Variants in C8A observed in about 807,000 individuals in gnomAD.
C8A encodes complement component C8 alpha chain.
In C8A, 67 loss-of-function variants were observed where a neutral mutation model predicts 65.3. The observed-to-expected ratio is 1.03, with a 90% confidence interval of 0.84 to 1.26. C8A has a LOEUF of 1.26. Ranked by LOEUF, C8A falls within the 50% of genes most tolerant of loss-of-function variation. The pLI is 0.00. For missense variants in C8A, 781 were observed against 723.9 expected (o/e 1.08, Z -0.90); for synonymous variants, 290 against 259.4 (o/e 1.12, Z -1.13).
At chr1:56,859,346 A>T (rs1411769409) in intron 1 of C8A, among the ~76,000 whole-genome samples, 1 of 152,254 alleles carries the variant, frequency 6.6e-6, no homozygotes, top group Admixed American at 6.5e-5. Context: ...CAATACAGTC[A>T]TAATCTCTGT....
rs921386025 is a variant in C8A at position 56,883,958 on chromosome 1, T to C, written c.855+277T>C. Among the ~76,000 whole-genome samples, 3 of 151,290 alleles carry C rather than the reference T, an allele frequency of 2.0e-5. No individual in the cohort carries two copies. In the South Asian group the frequency reaches 6.3e-4, roughly 32 times the overall value. ...TGGTTACCTGGAGCATATAGGGAAA[T>C]GTGTAGAATGGTAATGTTTTAAGAG... On this transcript the variant is annotated intron_variant, in intron 6 of 10. Transcript: ENST00000361249.
chr1:56,867,631 C>T lies in C8A; in HGVS notation c.100C>T (p.Pro34Ser), dbSNP rs143523574. The T allele has an allele frequency of 4.4e-3, 7,102 of 1,613,714 alleles. 455 individuals are homozygous for T. In the Admixed American group the frequency reaches 0.11, roughly 24 times the overall value. Residue 34 changes from proline to serine, a missense_variant, in exon 2 of 11, where the codon CCC (proline) becomes TCC (serine). Transcript: ENST00000361249. ...VNQRVRRAAT[P>S]AAVTCQLSNW... ...TAGGAGAGTAAGACGGGCAGCTACA[C>T]CCGCAGCAGTTACCTGCCAGCTGAG...
chr1:56,892,012 G>C (rs964317320), intron 7 of C8A, among the ~76,000 whole-genome samples: 12 of 152,028 alleles, frequency 7.9e-5, no homozygotes, highest in African/African-American at 2.7e-4. Context: ...GATGCACCAC[G>C]AATACTCATT....
intron 6 of C8A, among the ~76,000 whole-genome samples, chr1:56,885,424 T>TTATG (rs1329494753): frequency 1.1e-5 from 1 of 90,098 alleles, no homozygotes; most frequent in African/African-American, 9.4e-5. Context: ...AAATATATAT[T>TTATG]TAAATATATA....
chr1:56,875,962 T>G, intron 3 of C8A, 100 bp from the exon 4 acceptor site: 2 of 1,445,212 alleles, frequency 1.4e-6, no homozygotes, highest in Admixed American at 2.0e-5. Flanking sequence ...ATGGGACAGA[T>G]GGGAGGTTTA....
chr1:56,885,542 T>G (rs1644292315), intron 6 of C8A, among the ~76,000 whole-genome samples: 1 of 143,876 alleles, frequency 7.0e-6, no homozygotes, highest in Non-Finnish European at 1.5e-5. Context: ...ACCTTTTGCA[T>G]CCTTTCTTTT....
At chr1:56,915,838 T>C (rs1480919800) in intron 10 of C8A, among the ~76,000 whole-genome samples, 1 of 152,000 alleles carries the variant, frequency 6.6e-6, no homozygotes, top group Non-Finnish European at 1.5e-5. Flanking sequence ...GTGAGGAAAT[T>C]TGGGGAATGA....
intron 9 of C8A, among the ~76,000 whole-genome samples, chr1:56,910,229 A>G (rs1291712880): frequency 6.6e-6 from 1 of 152,154 alleles, no homozygotes. Flanking sequence ...GAGTCCTGCT[A>G]TGTTACGTTT....
chr1:56,876,332 G>A, intron 4 of C8A, 123 bp downstream of exon 4: 1 of 1,133,544 alleles, frequency 8.8e-7, no homozygotes, highest in Non-Finnish European at 1.3e-6. Flanking sequence ...GCTGTGAGCT[G>A]CTCTCATTGT....
At chr1:56,916,212 G>A (rs770972179) in intron 10 of C8A, among the ~76,000 whole-genome samples, 22 of 152,322 alleles carry the variant, frequency 1.4e-4, no homozygotes, top group Non-Finnish European at 2.6e-4. Context: ...TGCTCCCAAG[G>A]TCCCATTCCT....
rs1644129620 is a variant in C8A, at chr1:56,870,135, C to T, written c.171+2433C>T. Among the ~76,000 whole-genome samples, 3 of 152,044 alleles carry T rather than the reference C, an allele frequency of 2.0e-5. 1 individual carries two copies. The South Asian group carries it at 6.2e-4, about 32-fold the overall frequency. On this transcript the variant is annotated intron_variant, in intron 2 of 10. Coordinates refer to ENST00000361249, the MANE Select transcript of C8A (RefSeq NM_000562.3). ...TATTAGTTTCTTGAGTTCACTGGAA[C>T]AAATTCCCACAAACTTGGTGGCTTA...
chr1:56,896,336 C>T lies in C8A; in HGVS notation c.1096+10169C>T, dbSNP rs1020091879. On this transcript the variant is annotated intron_variant, in intron 7 of 10. Coordinates refer to ENST00000361249, the MANE Select transcript of C8A (RefSeq NM_000562.3). The stretch of plus-strand genomic sequence containing the variant: ...GGACACCCAGGAGGGCTGATGCTTT[C>T]GTTTCAGTCCAAGTCTGAAGGCCCG... Among the ~76,000 whole-genome samples, 20 of 152,242 alleles carry T rather than the reference C, an allele frequency of 1.3e-4. No individual in the cohort carries two copies. In the East Asian group the frequency reaches 3.1e-3, roughly 24 times the overall value.
rs201060477 is a variant in C8A at position 56,867,729 on chromosome 1, G to A, written c.171+27G>A. 31 of 1,547,708 alleles carry A rather than the reference G, an allele frequency of 2.0e-5. No individual in the cohort carries two copies. In the African/African-American group the frequency reaches 3.1e-4, roughly 16 times the overall value. Reference sequence around the variant, plus strand: ...TGAGACACTTACAACCGGTTTGGGGGCATTTCATATTTGATATGTGTATTA... The same window carrying A: ...TGAGACACTTACAACCGGTTTGGGGACATTTCATATTTGATATGTGTATTA... On this transcript the variant is annotated intron_variant, in intron 2 of 10. Coordinates refer to ENST00000361249, the MANE Select transcript of C8A (RefSeq NM_000562.3).
Position 56,897,761 on chromosome 1 carries a change from C to A in C8A, c.1097-8906C>A, listed in dbSNP as rs560905616. ...GTTGCACAAAGTTGGAAACAGGAAA[C>A]AATCTCAGGGGAAAAACCGTATTCG... On this transcript the variant is annotated intron_variant, in intron 7 of 10. Transcript: ENST00000361249. Among the ~76,000 whole-genome samples, 441 of 152,208 alleles carry A rather than the reference C, an allele frequency of 2.9e-3. 2 individuals are homozygous for A. The highest frequency in any genetic ancestry group is 3.4e-3 in the Non-Finnish European group (230 of 68,000).
At chr1:56,898,855 G>C (rs965103359) in intron 7 of C8A, among the ~76,000 whole-genome samples, 9 of 152,142 alleles carry the variant, frequency 5.9e-5, no homozygotes, top group African/African-American at 1.9e-4. Flanking sequence ...CAGAGTCAGG[G>C]GTGGTATCCT....
At position 56,885,790 on chromosome 1, in the gene C8A, T is replaced by C. The variant is rs1225146439; in HGVS notation, c.856-137T>C. 11 of 1,123,072 alleles carry C rather than the reference T, an allele frequency of 9.8e-6. No individual in the cohort carries two copies. In the East Asian group the frequency reaches 2.5e-4, roughly 26 times the overall value. The allele number at this position is 1,123,072 out of a possible 1,614,324, so 69.6% of individuals were successfully genotyped here. On this transcript the variant is annotated intron_variant, in intron 6 of 10. Coordinates refer to ENST00000361249, the MANE Select transcript of C8A (RefSeq NM_000562.3). ...TGGTCTCGATCTCCTGACCTTGTGA[T>C]CCTCCAGCTTCTGCCTCCCAAAATG...
chr1:56,866,791 T>G (rs939689736), intron 1 of C8A, among the ~76,000 whole-genome samples: 1 of 152,152 alleles, frequency 6.6e-6, no homozygotes, highest in Non-Finnish European at 1.5e-5. Context: ...GAGTAGGCAT[T>G]TTAATTGGTG....
chr1:56,885,565 G>GT (rs1644292813), intron 6 of C8A, among the ~76,000 whole-genome samples: 1 of 128,154 alleles, frequency 7.8e-6, no homozygotes, highest in Non-Finnish European at 1.7e-5. Context: ...GTTTTTTTTT[G>GT]TTTGTTTTTT....
chr1:56,886,136 G>T lies in C8A; in HGVS notation c.1065G>T (p.Leu355=), dbSNP rs1288078516. The change falls in exon 7 of 11, where the codon CTG becomes CTT. Residue 355 remains leucine (L), a synonymous_variant. Transcript: ENST00000361249. ...GSMGGIYEYI[L]VIDKAKMESL... ...TGGGTGGCATTTATGAATATATCCTGGTGATTGACAAAGCAAAAATGGAAT... is the reference window on the plus strand; with the variant it reads ...TGGGTGGCATTTATGAATATATCCTTGTGATTGACAAAGCAAAAATGGAAT... The T allele has an allele frequency of 6.2e-7, 1 of 1,613,960 alleles. No homozygotes were observed. Among genetic ancestry groups the T allele is most frequent in the Non-Finnish European group, 8.5e-7 (1 of 1,179,920 alleles).
Sources: gnomAD v4.1 joint callset for allele counts (sites outside exome capture counted in the v4.1 genomes callset) on GRCh38, gnomAD v4.1.1 for gene constraint, MANE v1.5 for transcripts, NCBI Gene and HGNC (gene_info 2026-07-23, HGNC 2026-07-21) for gene names.